The following TARP variants were observed in gnomAD, a reference collection of about 807,000 sequenced individuals.
At chr7:38,266,475 A>AC in the TARP span, among the ~76,000 whole-genome samples, 1 of 151,468 alleles carries the variant, frequency 6.6e-6, no homozygotes. Context: ...CCTGGCTAAT[A>AC]TTTTTTTTCT....
chr7:38,265,509 G>A, the TARP span: 4 of 1,611,896 alleles, frequency 2.5e-6, no homozygotes, highest in Non-Finnish European at 1.7e-6. Flanking sequence ...TCCCCTCCTG[G>A]GATCCCAGAA....
the TARP span, among the ~76,000 whole-genome samples, chr7:38,268,299 T>G: frequency 6.6e-6 from 1 of 151,604 alleles, no homozygotes; most frequent in Non-Finnish European, 1.5e-5. Context: ...GCCTAAGTTG[T>G]TTGTAGTTTA....
chr7:38,271,539 T>C, the TARP span, among the ~76,000 whole-genome samples: 1 of 147,940 alleles, frequency 6.8e-6, no homozygotes, highest in African/African-American at 2.5e-5. Context: ...GGAATAGCAC[T>C]GGTAAAAGGA....
chr7:38,266,956 C>T, the TARP span, among the ~76,000 whole-genome samples: 81,474 of 151,420 alleles, frequency 0.54, 24,160 homozygotes, highest in African/African-American at 0.81. Context: ...CATTTTGCTT[C>T]AGAAAATATT....
chr7:38,262,120 A>G, the TARP span: 4 of 1,497,630 alleles, frequency 2.7e-6, no homozygotes, highest in South Asian at 4.5e-5. Flanking sequence ...TTCAAGCCAG[A>G]GAAGTTCAAA....
chr7:38,271,146 C>T, the TARP span, among the ~76,000 whole-genome samples: 8 of 151,088 alleles, frequency 5.3e-5, no homozygotes, highest in Admixed American at 1.3e-4. Context: ...TTTAGGTCTT[C>T]TCAAATAGAT....
the TARP span, among the ~76,000 whole-genome samples, chr7:38,267,035 G>T: frequency 3.3e-5 from 5 of 151,724 alleles, no homozygotes; most frequent in Non-Finnish European, 5.9e-5. Flanking sequence ...CACCAGGGGT[G>T]TATTTTTTAT....
chr7:38,273,074 A>G, the TARP span, among the ~76,000 whole-genome samples: 8 of 151,208 alleles, frequency 5.3e-5, no homozygotes, highest in African/African-American at 1.9e-4. Context: ...TTAAGCTAAC[A>G]AATAATAAAC....
the TARP span, chr7:38,269,531 A>T: frequency 1.4e-6 from 1 of 704,576 alleles, no homozygotes; most frequent in Non-Finnish European, 2.6e-6. Context: ...AGAGTTTCTT[A>T]TAATAATTCC....
the TARP span, among the ~76,000 whole-genome samples, chr7:38,264,774 A>C: frequency 4.6e-5 from 7 of 151,540 alleles, no homozygotes; most frequent in Non-Finnish European, 1.0e-4. Flanking sequence ...AGCTTTGCAC[A>C]TTTGCCTCCC....
chr7:38,270,711 A>G, the TARP span, among the ~76,000 whole-genome samples: 12,530 of 150,876 alleles, frequency 0.083, 630 homozygotes, highest in East Asian at 0.15. Context: ...TTAGATCACT[A>G]CATGTTATCT....
chr7:38,270,397 T>C, the TARP span, among the ~76,000 whole-genome samples: 1 of 151,662 alleles, frequency 6.6e-6, no homozygotes, highest in Non-Finnish European at 1.5e-5. Context: ...CAATCTTTAA[T>C]AGGTTATCCT....
At chr7:38,271,560 C>A in the TARP span, among the ~76,000 whole-genome samples, 1 of 150,968 alleles carries the variant, frequency 6.6e-6, no homozygotes, top group African/African-American at 2.4e-5. Flanking sequence ...AAAAAAAAGG[C>A]AAAGAAATTT....
At chr7:38,262,092 A>G in the TARP span, 36 of 1,265,954 alleles carry the variant, frequency 2.8e-5, 1 homozygote, top group South Asian at 3.7e-4. Flanking sequence ...CAACCTAGCA[A>G]AATCCATTCC....
At chr7:38,269,730 T>C in the TARP span, among the ~76,000 whole-genome samples, 1 of 151,946 alleles carries the variant, frequency 6.6e-6, no homozygotes, top group African/African-American at 2.4e-5. Flanking sequence ...CAGTGATGTT[T>C]CAAAATCAGT....
chr7:38,269,191 C>T, the TARP span, among the ~76,000 whole-genome samples: 2 of 151,732 alleles, frequency 1.3e-5, no homozygotes, highest in African/African-American at 4.9e-5. Context: ...CACAAACTTA[C>T]CTGTCATAAT....
chr7:38,272,448 A>T, the TARP span, among the ~76,000 whole-genome samples: 1 of 145,224 alleles, frequency 6.9e-6, no homozygotes, highest in African/African-American at 2.6e-5. Flanking sequence ...ATTTGAAAAG[A>T]ATGTTTATGA....
the TARP span, among the ~76,000 whole-genome samples, chr7:38,266,845 C>A: frequency 4.4e-3 from 670 of 151,866 alleles, 6 homozygotes; most frequent in African/African-American, 0.015. Flanking sequence ...AATTTAGAAA[C>A]AAAATGGCAA....
At chr7:38,262,850 G>C in the TARP span, among the ~76,000 whole-genome samples, 9 of 151,364 alleles carry the variant, frequency 5.9e-5, no homozygotes, top group Non-Finnish European at 1.2e-4. Context: ...GTAGAGACAG[G>C]GTTTCGCCAT....
Sources: allele counts gnomAD v4.1 joint callset (sites outside exome capture counted in the v4.1 genomes callset), GRCh38; gene constraint gnomAD v4.1.1; transcripts MANE v1.5.